Variants in TRIM2 observed in about 807,000 individuals in gnomAD.
TRIM2 encodes tripartite motif-containing protein 2.
TRIM2 carries 20 observed loss-of-function variants against 75.2 expected under a neutral mutation model. The observed-to-expected ratio is 0.27, with a 90% CI of 0.19 to 0.39. The LOEUF (loss-of-function observed/expected upper bound fraction) is 0.39, where lower values mean the gene tolerates loss of function less well. Among genes scored for constraint, TRIM2 ranks in the 10% least tolerant of loss-of-function variants. TRIM2 has a pLI of 1.00. For missense variants in TRIM2, 660 were observed against 990.8 expected (o/e 0.67, Z 4.48); for synonymous variants, 373 against 388.3 (o/e 0.96, Z 0.46).
chr4:153,280,471 A>G (rs1284451626), intron 3 of TRIM2, among the ~76,000 whole-genome samples: 4 of 145,580 alleles, frequency 2.7e-5, no homozygotes, highest in Non-Finnish European at 5.9e-5. Context: ...TGTAACCTCC[A>G]ACTCCAGGGC....
intron 6 of TRIM2, among the ~76,000 whole-genome samples, chr4:153,303,474 G>GAAAA (rs575126983): frequency 1.1e-5 from 1 of 92,472 alleles, no homozygotes; most frequent in Non-Finnish European, 2.3e-5. Flanking sequence ...CTCCATCTCA[G>GAAAA]AAAAAAAAAA....
chr4:153,153,298 G>C (rs1322817619), intron 1 of TRIM2: 1 of 152,250 alleles, frequency 6.6e-6, no homozygotes, highest in East Asian at 1.9e-4. Context: ...CCGCGCTGCT[G>C]GCAGGCGGCT....
chr4:153,218,686 C>G (rs757480852), intron 1 of TRIM2, among the ~76,000 whole-genome samples: 5 of 152,178 alleles, frequency 3.3e-5, no homozygotes, highest in African/African-American at 4.8e-5. Context: ...TCTCATTTTT[C>G]TGTGACCCTT....
chr4:153,187,295 C>T (rs1286214192), intron 1 of TRIM2, among the ~76,000 whole-genome samples: 1 of 152,156 alleles, frequency 6.6e-6, no homozygotes, highest in Admixed American at 6.5e-5. Context: ...AAGGTAAGTC[C>T]ACCGTCAAGG....
chr4:153,262,738 G>A (rs751535854), intron 1 of TRIM2, among the ~76,000 whole-genome samples: 2 of 152,122 alleles, frequency 1.3e-5, no homozygotes, highest in Non-Finnish European at 2.9e-5. Flanking sequence ...GGAAAGGGCT[G>A]TTATCATTCC....
Position 153,335,997 on chromosome 4 carries a change from A to G in TRIM2, c.*1031A>G, listed in dbSNP as rs1772400762. The G allele has an allele frequency of 1.0e-6, 1 of 985,792 alleles. No homozygotes were observed. Among genetic ancestry groups the G allele is most frequent in the South Asian group, 4.7e-5 (1 of 21,282 alleles). The allele number at this position is 985,792 out of a possible 1,614,324, so 61.1% of individuals were successfully genotyped here. On this transcript the variant is annotated 3_prime_UTR_variant, in exon 12 of 12. Transcript: ENST00000338700. The stretch of plus-strand genomic sequence containing the variant: ...CCCCTTAGAAAGCAAGTGTTACCAA[A>G]GTTGTGTTATCTTGAAAGCATTACA...
chr4:153,178,198 G>A (rs1731671377), intron 1 of TRIM2, among the ~76,000 whole-genome samples: 1 of 152,072 alleles, frequency 6.6e-6, no homozygotes, highest in African/African-American at 2.4e-5. Context: ...CCCACTGAGA[G>A]GTCAGGCTGG....
intron 1 of TRIM2, among the ~76,000 whole-genome samples, chr4:153,211,184 G>A (rs1736896398): frequency 6.6e-6 from 1 of 152,158 alleles, no homozygotes; most frequent in South Asian, 2.1e-4. Flanking sequence ...TGGTTTTGGG[G>A]GCAGGGTCCT....
At chr4:153,289,215 G>C (rs1476579289) in intron 3 of TRIM2, among the ~76,000 whole-genome samples, 1 of 152,014 alleles carries the variant, frequency 6.6e-6, no homozygotes, top group Non-Finnish European at 1.5e-5. Context: ...CCTCTCCCTA[G>C]GGTTTTTTGT....
upstream of TRIM2, among the ~76,000 whole-genome samples, chr4:153,204,063 C>A (rs772958645): frequency 4.6e-5 from 7 of 152,162 alleles, no homozygotes; most frequent in Non-Finnish European, 8.8e-5. Context: ...TCCCGTTGAC[C>A]TCATGAATAC....
chr4:153,312,678 A>C (rs1019105300), intron 6 of TRIM2, among the ~76,000 whole-genome samples: 6 of 152,076 alleles, frequency 3.9e-5, no homozygotes, highest in Non-Finnish European at 8.8e-5. Context: ...AACTAGAAAT[A>C]CCATTCGACC....
chr4:153,200,457 C>T (rs1734216565), upstream of TRIM2, among the ~76,000 whole-genome samples: 1 of 152,022 alleles, frequency 6.6e-6, no homozygotes, highest in Non-Finnish European at 1.5e-5. Context: ...GGGCTGTTTC[C>T]ATCCTTTAGC....
In TRIM2 at chr4:153,315,819, AT is replaced by A; in HGVS notation, c.1615-10del. The A allele has an allele frequency of 6.2e-7, 1 of 1,614,130 alleles. No individual in the cohort carries two copies. The highest frequency in any genetic ancestry group is 8.5e-7 in the Non-Finnish European group (1 of 1,180,006). ...ACTAGTTCACATTCCAATGAATGTA[AT>A]TTATCTTACAGATATTTTCCAATGA... On this transcript the variant is annotated splice_polypyrimidine_tract_variant and intron_variant, in intron 7 of 11. Transcript: ENST00000338700.
chr4:153,305,081 A>G (rs1764699221), intron 6 of TRIM2, among the ~76,000 whole-genome samples: 1 of 152,212 alleles, frequency 6.6e-6, no homozygotes, highest in African/African-American at 2.4e-5. Context: ...GGAAGGAGAG[A>G]GAGAAATTTG....
chr4:153,305,752 A>G (rs1251986284), intron 6 of TRIM2, among the ~76,000 whole-genome samples: 1 of 152,230 alleles, frequency 6.6e-6, no homozygotes, highest in East Asian at 1.9e-4. Context: ...TGCCCTCACA[A>G]CACAATAACC....
intron 1 of TRIM2, among the ~76,000 whole-genome samples, chr4:153,197,932 G>A (rs1177837514): frequency 2.0e-5 from 3 of 152,126 alleles, no homozygotes; most frequent in Non-Finnish European, 2.9e-5. Flanking sequence ...TCTACCTTGT[G>A]AGGGCGGCAA....
Position 153,295,247 on chromosome 4 carries a change from G to A in TRIM2, c.787-66G>A. 1.4e-6 allele frequency: 2 copies of A among 1,453,902 alleles called. No individual in the cohort carries two copies. Among genetic ancestry groups the A allele is most frequent in the Admixed American group, 2.7e-5 (1 of 36,894 alleles). The allele number at this position is 1,453,902 out of a possible 1,614,324, so 90.1% of individuals were successfully genotyped here. On this transcript the variant is annotated intron_variant, in intron 5 of 11. Coordinates refer to ENST00000338700, the MANE Select transcript of TRIM2 (RefSeq NM_015271.5). The surrounding 1 kb of genome is among the most constrained non-coding windows in gnomAD (Gnocchi z 7.2). The stretch of plus-strand genomic sequence containing the variant: ...GTAGAGTCTCCTTCTCGCCGGTGGA[G>A]GGCACTGCCCCGGGCTAGGCCCCGC...
intron 1 of TRIM2, chr4:153,223,170 C>G (rs1202030957): frequency 1.3e-5 from 2 of 152,378 alleles, no homozygotes; most frequent in Non-Finnish European, 2.9e-5. Flanking sequence ...CGGCCTGGAG[C>G]GGGTGCAGTG....
intron 1 of TRIM2, among the ~76,000 whole-genome samples, chr4:153,234,640 G>A (rs1048268616): frequency 9.9e-5 from 15 of 152,160 alleles, no homozygotes; most frequent in African/African-American, 3.6e-4. Context: ...GTAAAATGAG[G>A]CTCATAAGTT....
Sources: gnomAD v4.1 joint callset for allele counts (sites outside exome capture counted in the v4.1 genomes callset) on GRCh38, gnomAD v4.1.1 for gene constraint, Gnocchi (gnomAD v3.1) non-coding constraint, MANE v1.5 for transcripts, NCBI Gene and HGNC (gene_info 2026-07-23, HGNC 2026-07-21) for gene names.